The following TSPAN12 variants were observed in gnomAD, a reference collection of about 807,000 sequenced individuals.
The protein encoded by TSPAN12 is tetraspanin-12.
In TSPAN12, 19 loss-of-function variants were observed where a neutral mutation model predicts 39.2. The ratio of observed to expected loss-of-function variants is 0.49; its 90% CI spans 0.34 to 0.71. The LOEUF is 0.71. Among genes scored for constraint, TSPAN12 ranks in the 30% least tolerant of loss-of-function variants. TSPAN12 has a pLI of 0.01. For synonymous variants in TSPAN12, 119 were observed against 124.8 expected (o/e 0.95, Z 0.31); for missense variants, 314 against 359.9 (o/e 0.87, Z 1.03).
intron 5 of TSPAN12, among the ~76,000 whole-genome samples, chr7:120,812,894 C>A (rs77659486): frequency 0.037 from 5,688 of 152,072 alleles, 149 homozygotes; most frequent in African/African-American, 0.075. Flanking sequence ...ACAAAAAAAA[C>A]CAGAAATAAT....
intron 7 of TSPAN12, among the ~76,000 whole-genome samples, chr7:120,802,719 A>C (rs2116335097): frequency 6.6e-6 from 1 of 152,346 alleles, no homozygotes; most frequent in East Asian, 1.9e-4. Context: ...ACTGAGGGTC[A>C]GAGGTATTTT....
chr7:120,818,187 G>A (rs1379745000), intron 4 of TSPAN12, among the ~76,000 whole-genome samples: 1 of 152,120 alleles, frequency 6.6e-6, no homozygotes, highest in Non-Finnish European at 1.5e-5. Context: ...CACAGAAAGA[G>A]TGGGATGGGG....
In TSPAN12 at chr7:120,791,453, A is replaced by G. The variant is rs141544142; in HGVS notation, c.613-2556T>C. 8.3e-3 allele frequency among the ~76,000 whole-genome samples: 1,265 copies of G among 152,352 alleles called. 19 individuals carry two copies. Among genetic ancestry groups the G allele is most frequent in the African/African-American group, 0.028 (1,149 of 41,578 alleles). ...TTAATAACAATGTATTAGTTATTCA[A>G]AAAAGTAAGCCATTCAATAAATATA... On this transcript the variant is annotated intron_variant, in intron 7 of 7. Coordinates refer to ENST00000222747, the MANE Select transcript of TSPAN12 (RefSeq NM_012338.4).
intron 7 of TSPAN12, among the ~76,000 whole-genome samples, chr7:120,792,017 G>A (rs1289321229): frequency 6.6e-6 from 1 of 152,074 alleles, no homozygotes; most frequent in East Asian, 1.9e-4. Flanking sequence ...CTAGAATTCT[G>A]GAAATTAACC....
At chr7:120,800,453 A>G (rs1793745111) in intron 7 of TSPAN12, among the ~76,000 whole-genome samples, 1 of 152,120 alleles carries the variant, frequency 6.6e-6, no homozygotes, top group South Asian at 2.1e-4. Context: ...CTTGATATCT[A>G]ACTGGCTTCT....
intron 2 of TSPAN12, among the ~76,000 whole-genome samples, chr7:120,853,090 ATT>A (rs11431943): frequency 4.9e-5 from 7 of 141,970 alleles, no homozygotes; most frequent in Non-Finnish European, 7.7e-5. Flanking sequence ...ATCCCAGCAG[ATT>A]TTTTTTTTTT....
chr7:120,854,363 AATCTGCTAGAAC>A (rs1395060649), intron 2 of TSPAN12, among the ~76,000 whole-genome samples: 1 of 152,222 alleles, frequency 6.6e-6, no homozygotes, highest in African/African-American at 2.4e-5. Context: ...ACCTCCTGGT[AATCTGCTAGAAC>A]ATCATCATCA....
chr7:120,806,657 CCAGT>C lies in TSPAN12; in HGVS notation c.500_503del (p.Asp167GlyfsTer4). The C allele has an allele frequency of 1.2e-6, 2 of 1,613,458 alleles. No homozygotes were observed. The highest frequency in any genetic ancestry group is 1.7e-6 in the Non-Finnish European group (2 of 1,179,566). ...GCCAGTCCATCTCTGTCATTTCCAA[CCAGT>C]CAGTGAAATATACTACTCCACAGCA... On this transcript the variant is annotated frameshift_variant, in exon 7 of 8. Transcript: ENST00000222747. LOFTEE classifies it high-confidence loss of function.
intron 4 of TSPAN12, among the ~76,000 whole-genome samples, chr7:120,828,028 G>T (rs962641919): frequency 2.6e-5 from 4 of 152,152 alleles, no homozygotes; most frequent in Admixed American, 2.6e-4. Flanking sequence ...TAGATTAATA[G>T]AATTTTACTT....
intron 7 of TSPAN12, among the ~76,000 whole-genome samples, chr7:120,792,285 C>G (rs770113390): frequency 1.3e-5 from 2 of 152,134 alleles, no homozygotes; most frequent in Non-Finnish European, 1.5e-5. Flanking sequence ...CTGGAAGACC[C>G]CACTCAGGAG....
intron 4 of TSPAN12, among the ~76,000 whole-genome samples, chr7:120,818,619 CTTCATATTTCT>C (rs913713039): frequency 1.3e-5 from 2 of 151,976 alleles, no homozygotes; most frequent in African/African-American, 4.8e-5. Flanking sequence ...AATCTGCTTC[CTTCATATTTCT>C]TTCATATAAA....
chr7:120,857,408 G>A (rs1427765818), intron 1 of TSPAN12: 2 of 155,378 alleles, frequency 1.3e-5, no homozygotes, highest in African/African-American at 4.9e-5. Flanking sequence ...GGGGCAGCGC[G>A]GAGTTGAGAT....
rs550241961 is a variant in TSPAN12 at position 120,817,768 on chromosome 7, T to C, written c.286-1965A>G. ...AATTTTAGCAGGAATAAAACTTCTT[T>C]GCAATTATGAATATTCCATTCTATT... On this transcript the variant is annotated intron_variant, in intron 4 of 7. Transcript: ENST00000222747. 1.3e-4 allele frequency among the ~76,000 whole-genome samples: 20 copies of C among 152,214 alleles called. No homozygotes were observed. In the East Asian group the frequency reaches 3.5e-3, roughly 26 times the overall value.
At chr7:120,817,251 T>C (rs945239086) in intron 4 of TSPAN12, among the ~76,000 whole-genome samples, 2 of 151,880 alleles carry the variant, frequency 1.3e-5, no homozygotes, top group African/African-American at 4.8e-5. Context: ...TAGCCAGGCA[T>C]GGTGGTATGT....
chr7:120,806,561 G>A lies in TSPAN12; in HGVS notation c.600C>T (p.Asp200=). The change falls in exon 7 of 8, where the codon GAC becomes GAT. Residue 200 remains aspartate (D), a synonymous_variant. Coordinates refer to ENST00000222747, the MANE Select transcript of TSPAN12 (RefSeq NM_012338.4). ...SKQAHQEDLS[D]LYQEGCGKKM... is the part of the protein sequence containing the mutation. ...TATATGGCCTCACCTCTTGATAAAG[G>A]TCACTGAGATCTTCCTGGTGGGCCT... 1.2e-6 allele frequency: 2 copies of A among 1,613,224 alleles called. No individual in the cohort carries two copies. The highest frequency in any genetic ancestry group is 2.2e-5 in the East Asian group (1 of 44,856).
intron 2 of TSPAN12, among the ~76,000 whole-genome samples, chr7:120,846,005 C>G (rs1441104133): frequency 2.6e-5 from 4 of 152,162 alleles, no homozygotes; most frequent in Non-Finnish European, 5.9e-5. Flanking sequence ...TATGGTTCCA[C>G]AGGATGTACA....
intron 4 of TSPAN12, among the ~76,000 whole-genome samples, chr7:120,828,907 A>T (rs1794339148): frequency 6.6e-6 from 1 of 152,126 alleles, no homozygotes; most frequent in Non-Finnish European, 1.5e-5. Flanking sequence ...TTAAGTTGCT[A>T]TCATTTAATA....
chr7:120,844,164 A>T (rs1304878955), intron 2 of TSPAN12, among the ~76,000 whole-genome samples: 2 of 152,122 alleles, frequency 1.3e-5, no homozygotes, highest in African/African-American at 4.8e-5. Context: ...CTACCAGAAG[A>T]ACAGCAAGGG....
chr7:120,844,474 C>T (rs1200806038), intron 2 of TSPAN12, among the ~76,000 whole-genome samples: 1 of 152,218 alleles, frequency 6.6e-6, no homozygotes, highest in Non-Finnish European at 1.5e-5. Flanking sequence ...CAGTTAGTTA[C>T]TTCCAATATA....
Sources: gnomAD v4.1 joint callset for allele counts (sites outside exome capture counted in the v4.1 genomes callset) on GRCh38, gnomAD v4.1.1 for gene constraint, MANE v1.5 for transcripts, NCBI Gene and HGNC (gene_info 2026-07-23, HGNC 2026-07-21) for gene names.